Variants in PSPC1 observed in about 807,000 individuals in gnomAD.
The protein encoded by PSPC1 is paraspeckle protein 1.
A neutral mutation model predicts 51.6 loss-of-function variants in PSPC1; 14 were observed. The ratio of observed to expected loss-of-function variants is 0.27; its 90% CI spans 0.18 to 0.42. PSPC1 has a LOEUF of 0.42. Ranked by LOEUF, PSPC1 falls within the 10% of genes least tolerant of loss-of-function variation. The probability of loss-of-function intolerance (pLI) is 1.00; values close to 1 mark genes in which losing one functional copy is unlikely to be tolerated. For missense variants in PSPC1, 406 were observed against 701.1 expected, an observed-to-expected ratio of 0.58 and a Z score of 4.75; for synonymous variants, 193 against 231.9, an observed-to-expected ratio of 0.83 and a Z score of 1.53.
chr13:19,692,692 T>C (rs1172175590), intron 6 of PSPC1, among the ~76,000 whole-genome samples: 1 of 152,104 alleles, frequency 6.6e-6, no homozygotes, highest in African/African-American at 2.4e-5. Flanking sequence ...CTGAACACAC[T>C]TACCTTTGGC....
chr13:19,768,809 C>T (rs1344090502), intron 2 of PSPC1, among the ~76,000 whole-genome samples: 2 of 150,686 alleles, frequency 1.3e-5, no homozygotes, highest in Non-Finnish European at 3.0e-5. Context: ...AATGAGATTG[C>T]GCTAAACTAA....
At chr13:19,726,827 C>T (rs1258726099) in intron 6 of PSPC1, among the ~76,000 whole-genome samples, 1 of 152,214 alleles carries the variant, frequency 6.6e-6, no homozygotes, top group East Asian at 1.9e-4. Context: ...CCCTCGGGTG[C>T]TACAATGGAA....
chr13:19,738,837 C>T (rs890965986), intron 5 of PSPC1, among the ~76,000 whole-genome samples: 2 of 149,792 alleles, frequency 1.3e-5, no homozygotes, highest in Non-Finnish European at 2.9e-5. Context: ...AACTCGGAGG[C>T]GAAGCTTGCA....
chr13:19,684,795 T>TGA (rs1877671943), intron 6 of PSPC1, among the ~76,000 whole-genome samples: 1 of 152,242 alleles, frequency 6.6e-6, no homozygotes, highest in African/African-American at 2.4e-5. Flanking sequence ...TCCTTTCTTC[T>TGA]GCTGCCCCAT....
intron 4 of PSPC1, among the ~76,000 whole-genome samples, chr13:19,748,570 A>C (rs1886225585): frequency 6.6e-6 from 1 of 152,208 alleles, no homozygotes; most frequent in Non-Finnish European, 1.5e-5. Flanking sequence ...AAGTCTAAGG[A>C]AATGTTCTTT....
rs537206985 is a variant in PSPC1 at position 19,775,924 on chromosome 13, G to A, written c.373-3381C>T. Among the ~76,000 whole-genome samples, 242 of 152,202 alleles carry A rather than the reference G, an allele frequency of 1.6e-3. 1 individual carries two copies. Among genetic ancestry groups the A allele is most frequent in the Non-Finnish European group, 2.8e-3 (191 of 68,014 alleles). On this transcript the variant is annotated intron_variant, in intron 1 of 8. Coordinates refer to ENST00000338910, the MANE Select transcript of PSPC1 (RefSeq NM_001354909.2). Reference sequence around the variant, plus strand: ...AAATTAGCCGGACGTGGCAGTGTGCGCCTGTAGTCCCAGCTGCTGGGGAGG... The same window carrying A: ...AAATTAGCCGGACGTGGCAGTGTGCACCTGTAGTCCCAGCTGCTGGGGAGG...
At chr13:19,733,753 G>C (rs1347742435) in intron 5 of PSPC1, among the ~76,000 whole-genome samples, 1 of 139,004 alleles carries the variant, frequency 7.2e-6, no homozygotes, top group Non-Finnish European at 1.5e-5. Context: ...ACAGAGCAAG[G>C]CTCCATTTCA....
chr13:19,721,671 A>G (rs1001972020), intron 6 of PSPC1, among the ~76,000 whole-genome samples: 1 of 152,208 alleles, frequency 6.6e-6, no homozygotes, highest in South Asian at 2.1e-4. Flanking sequence ...GTCCTCTAAC[A>G]TCCTCTGTAT....
Position 19,682,427 on chromosome 13 carries a change from T to C in PSPC1, c.1159-4604A>G, listed in dbSNP as rs375771775. Among the ~76,000 whole-genome samples the C allele has an allele frequency of 5.6e-4, 82 of 145,312 alleles. 2 individuals are homozygous for C. The East Asian group carries it at 9.2e-3, about 16-fold the overall frequency. ...CACAGAAGCTAGTTAAATAGCAATATGGGTGTACGGTGATCAAAGAAAAAG... is the reference window on the plus strand; with the variant it reads ...CACAGAAGCTAGTTAAATAGCAATACGGGTGTACGGTGATCAAAGAAAAAG... On this transcript the variant is annotated intron_variant and NMD_transcript_variant, in intron 6 of 7. Coordinates refer to the PSPC1 transcript ENST00000471658.
At chr13:19,682,271 C>T (rs1182615371) in intron 6 of PSPC1, among the ~76,000 whole-genome samples, 1 of 152,042 alleles carries the variant, frequency 6.6e-6, no homozygotes, top group Non-Finnish European at 1.5e-5. Context: ...GTAATATGAA[C>T]ATTCAATTCT....
intron 6 of PSPC1, among the ~76,000 whole-genome samples, chr13:19,718,100 A>G (rs1478121543): frequency 6.6e-6 from 1 of 152,216 alleles, no homozygotes; most frequent in East Asian, 1.9e-4. Flanking sequence ...TTCTATTGAT[A>G]CAACTCAATA....
chr13:19,729,415 T>C (rs1272195114), intron 6 of PSPC1, among the ~76,000 whole-genome samples: 1 of 151,768 alleles, frequency 6.6e-6, no homozygotes, highest in African/African-American at 2.4e-5. Flanking sequence ...TGCGCACCTG[T>C]AATCCCAGCT....
At position 19,730,251 on chromosome 13, in the gene PSPC1, G is replaced by T; in HGVS notation, c.1146C>A (p.Asn382Lys). ...GTAGTTTACTTACATTTTCCATGTA[G>T]TTTGGCTTAAAGCCCTCTTGCTGTC... is the stretch of plus-strand genomic sequence containing the variant. ...LRRQQEGFKP[N>K]YMENREQEMR... is the part of the protein sequence containing the mutation. Residue 382 changes from asparagine (N) to lysine (K), a missense_variant, in exon 6 of 9, where the codon AAC becomes AAA. By Grantham distance (94) the Asn-to-Lys change is moderately conservative. Coordinates refer to ENST00000338910, the MANE Select transcript of PSPC1 (RefSeq NM_001354909.2). 1 of 1,613,520 alleles carries T rather than the reference G, an allele frequency of 6.2e-7. No homozygotes were observed. Among genetic ancestry groups the T allele is most frequent in the Non-Finnish European group, 8.5e-7 (1 of 1,179,648 alleles).
chr13:19,686,864 C>T (rs992202794), intron 6 of PSPC1, among the ~76,000 whole-genome samples: 5 of 152,144 alleles, frequency 3.3e-5, no homozygotes, highest in African/African-American at 9.6e-5. Context: ...TTAGGGTTTC[C>T]GTATTTCCTC....
chr13:19,689,057 C>G (rs1878262167), intron 6 of PSPC1, among the ~76,000 whole-genome samples: 1 of 151,486 alleles, frequency 6.6e-6, no homozygotes, highest in Admixed American at 6.6e-5. Context: ...AGGAAAATAA[C>G]TATTAAAGGA....
chr13:19,683,268 A>C (rs1034769300), intron 6 of PSPC1, among the ~76,000 whole-genome samples: 1 of 152,224 alleles, frequency 6.6e-6, no homozygotes, highest in African/African-American at 2.4e-5. Flanking sequence ...CCCCAAGAGC[A>C]TATCAATAGA....
intron 6 of PSPC1, among the ~76,000 whole-genome samples, chr13:19,719,107 G>T (rs1374775784): frequency 6.7e-6 from 1 of 148,458 alleles, no homozygotes; most frequent in Non-Finnish European, 1.5e-5. Flanking sequence ...GTAAACGATA[G>T]ACTTTGGTTG....
intron 6 of PSPC1, among the ~76,000 whole-genome samples, chr13:19,687,414 A>T (rs1878033585): frequency 6.6e-6 from 1 of 152,020 alleles, no homozygotes; most frequent in Admixed American, 6.5e-5. Context: ...CAGCCCCCTA[A>T]CCTATATACA....
At chr13:19,711,625 G>A (rs557796992) in intron 6 of PSPC1, among the ~76,000 whole-genome samples, 9 of 120,776 alleles carry the variant, frequency 7.5e-5, no homozygotes, top group Non-Finnish European at 1.3e-4. Context: ...GCAACAAAGA[G>A]AGACTCCGTC....
Sources: gnomAD v4.1 joint callset for allele counts (sites outside exome capture counted in the v4.1 genomes callset) on GRCh38, gnomAD v4.1.1 for gene constraint, MANE v1.5 for transcripts, NCBI Gene and HGNC (gene_info 2026-07-23, HGNC 2026-07-21) for gene names.